The following AEBP2 variants were observed in gnomAD, a reference collection of about 807,000 sequenced individuals.
AEBP2 encodes the protein zinc finger protein AEBP2.
AEBP2 carries 10 observed loss-of-function variants against 50.8 expected under a neutral mutation model. The observed-to-expected ratio is 0.20, with a 90% CI of 0.12 to 0.33. The LOEUF (loss-of-function observed/expected upper bound fraction) is 0.33, where lower values mean the gene tolerates loss of function less well. Ranked by LOEUF, AEBP2 falls within the 10% of genes least tolerant of loss-of-function variation. The pLI is 1.00. For synonymous variants in AEBP2, 296 were observed against 261.3 expected (o/e 1.13, Z -1.28); for missense variants, 570 against 688.0 (o/e 0.83, Z 1.92).
At chr12:19,516,128 A>G (rs1949313984) in intron 7 of AEBP2, among the ~76,000 whole-genome samples, 1 of 152,178 alleles carries the variant, frequency 6.6e-6, no homozygotes. Context: ...TGAAAGTGCT[A>G]ATTAATACAA....
At chr12:19,460,494 C>T (rs1948356183) in intron 1 of AEBP2, among the ~76,000 whole-genome samples, 1 of 152,046 alleles carries the variant, frequency 6.6e-6, no homozygotes, top group Non-Finnish European at 1.5e-5. Context: ...GCTGGGATTA[C>T]AGGCGTGTGC....
intron 3 of AEBP2, among the ~76,000 whole-genome samples, chr12:19,488,658 A>T (rs1054842327): frequency 6.6e-6 from 1 of 152,090 alleles, no homozygotes; most frequent in Non-Finnish European, 1.5e-5. Context: ...GACTTCTGGG[A>T]ATATGAATAA....
chr12:19,511,500 A>G (rs1949232173), intron 5 of AEBP2, among the ~76,000 whole-genome samples: 1 of 152,196 alleles, frequency 6.6e-6, no homozygotes, highest in Admixed American at 6.5e-5. Context: ...CCCTTTCCTA[A>G]GTGCTCGGGG....
At chr12:19,495,077 T>C (rs1948953647) in intron 4 of AEBP2, among the ~76,000 whole-genome samples, 1 of 152,172 alleles carries the variant, frequency 6.6e-6, no homozygotes, top group East Asian at 1.9e-4. Flanking sequence ...GGCTAATCAT[T>C]ATATTTTTAG....
intron 5 of AEBP2, among the ~76,000 whole-genome samples, chr12:19,501,797 G>GTTTTTTGTTT (rs1555187205): frequency 1.3e-4 from 9 of 70,870 alleles, no homozygotes; most frequent in Non-Finnish European, 1.9e-4. Context: ...AAATGAGTTT[G>GTTTTTTGTTT]TTTTTTTTTT....
rs1438613496 is a variant in AEBP2, at chr12:19,433,711, GA to G, written c.-16-28796del. Among the ~76,000 whole-genome samples, 4 of 151,940 alleles carry G rather than the reference GA, an allele frequency of 2.6e-5. No homozygotes were observed. In the East Asian group the frequency reaches 7.8e-4, roughly 30 times the overall value. ...AGGAGAATCACTTGAACCGTGGGTGGAAAGGGGTGGGAGGGTGGCAGGTGGA... is the reference window on the plus strand; with the variant it reads ...AGGAGAATCACTTGAACCGTGGGTGGAAGGGGTGGGAGGGTGGCAGGTGGA... On this transcript the variant is annotated intron_variant, in intron 1 of 3. Transcript: ENST00000538425.
At chr12:19,447,388 T>G (rs539775923) in intron 1 of AEBP2, among the ~76,000 whole-genome samples, 1 of 152,312 alleles carries the variant, frequency 6.6e-6, no homozygotes, top group East Asian at 1.9e-4. Flanking sequence ...CACTGCTGGG[T>G]TGTGTGCTCC....
intron 1 of AEBP2, among the ~76,000 whole-genome samples, chr12:19,455,160 AT>A (rs34852339): frequency 0.019 from 2,696 of 145,246 alleles, 60 homozygotes; most frequent in African/African-American, 0.058. Flanking sequence ...TGCCCAGCTA[AT>A]TTTTTTTTTT....
chr12:19,419,312 G>A (rs950041564), intron 1 of AEBP2, among the ~76,000 whole-genome samples: 16 of 152,140 alleles, frequency 1.1e-4, no homozygotes, highest in Non-Finnish European at 1.5e-4. Context: ...AAAATAGGCC[G>A]GGTGCGGTGG....
chr12:19,464,712 G>A (rs1045603695), intron 2 of AEBP2, among the ~76,000 whole-genome samples: 1 of 151,272 alleles, frequency 6.6e-6, no homozygotes, highest in Non-Finnish European at 1.5e-5. Context: ...TCACCCTCCC[G>A]AGTAGCTGGG....
At chr12:19,450,682 GA>G (rs111795272) in intron 1 of AEBP2, among the ~76,000 whole-genome samples, 31 of 114,960 alleles carry the variant, frequency 2.7e-4, no homozygotes, top group African/African-American at 6.4e-4. Context: ...AAAAAAAAAA[GA>G]AAAAAAAAAG....
rs956894611 is a variant in AEBP2 at position 19,440,001 on chromosome 12, A to G, written c.302A>G (p.Glu101Gly). Residue 101 changes from glutamate (E) to glycine (G), a missense_variant, in exon 1 of 8, where the codon GAG becomes GGG. Glu to Gly is a moderately conservative substitution (Grantham distance 98, BLOSUM62 -2). Transcript: ENST00000266508. ...GCCGGGGAGGACGAAGACGAGGAGG[A>G]GGACGACGAGGAGGAGGAAGATGAG... ...SQAGEDEDEE[E>G]DDEEEEDESS... 6 of 1,523,254 alleles carry G rather than the reference A, an allele frequency of 3.9e-6. No individual in the cohort carries two copies. In the African/African-American group the frequency reaches 7.2e-5, roughly 18 times the overall value. 94.4% of individuals were successfully genotyped at this position (1,523,254 alleles called of 1,614,324 possible).
chr12:19,410,113 T>C (rs569004608), intron 1 of AEBP2, among the ~76,000 whole-genome samples: 8 of 152,266 alleles, frequency 5.3e-5, no homozygotes, highest in South Asian at 2.1e-4. Context: ...AATTAGACCC[T>C]CTCTCACTCT....
chr12:19,432,141 C>T (rs1261601428), intron 1 of AEBP2, among the ~76,000 whole-genome samples: 1 of 152,046 alleles, frequency 6.6e-6, no homozygotes, highest in South Asian at 2.1e-4. Flanking sequence ...ATTAGAGAAG[C>T]CCTACAAGAA....
intron 1 of AEBP2, among the ~76,000 whole-genome samples, chr12:19,453,656 T>G (rs1395777032): frequency 2.7e-5 from 4 of 150,450 alleles, no homozygotes; most frequent in African/African-American, 9.8e-5. Context: ...ACTCCCAACC[T>G]CAGGTGATCC....
chr12:19,498,068 T>C (rs1000883222), intron 4 of AEBP2, among the ~76,000 whole-genome samples: 16 of 152,192 alleles, frequency 1.1e-4, no homozygotes, highest in African/African-American at 3.9e-4. Flanking sequence ...AGGCTGAAGA[T>C]TGAGGACTCC....
chr12:19,435,669 T>C (rs540329459), upstream of AEBP2, among the ~76,000 whole-genome samples: 3 of 152,346 alleles, frequency 2.0e-5, no homozygotes, highest in South Asian at 6.2e-4. Flanking sequence ...ATATTGCTTC[T>C]CAGTTTGAGT....
Position 19,440,748 on chromosome 12 carries a change from T to G in AEBP2, c.671+378T>G, listed in dbSNP as rs749447710. 388 of 1,533,548 alleles carry G rather than the reference T, an allele frequency of 2.5e-4. 2 individuals are homozygous for G. Among genetic ancestry groups the G allele is most frequent in the Non-Finnish European group, 2.7e-4 (304 of 1,146,676 alleles). The allele number at this position is 1,533,548 out of a possible 1,614,324, so 95.0% of individuals were successfully genotyped here. The stretch of plus-strand genomic sequence containing the variant: ...TCAAGGTTAGCTTCTTCCAACCGTG[T>G]TCGGGAACACTTGTCAGAACTACAA... On this transcript the variant is annotated intron_variant, in intron 1 of 7. Transcript: ENST00000266508.
Position 19,518,831 on chromosome 12 carries a change from C to A in AEBP2, c.*714C>A. The A allele has an allele frequency of 1.2e-6, 1 of 810,154 alleles. No individual in the cohort carries two copies. Among genetic ancestry groups the A allele is most frequent in the Non-Finnish European group, 1.8e-6 (1 of 543,944 alleles). 50.2% of individuals were successfully genotyped at this position (810,154 alleles called of 1,614,324 possible). On this transcript the variant is annotated 3_prime_UTR_variant, in exon 8 of 8. Transcript: ENST00000266508. ...TCCCTTTTCAGGACTAGGGCTTTCT[C>A]ATGGAGTACAGTATGTTAATATTTA...
Sources: gnomAD v4.1 joint callset for allele counts (sites outside exome capture counted in the v4.1 genomes callset) on GRCh38, gnomAD v4.1.1 for gene constraint, MANE v1.5 for transcripts, NCBI Gene and HGNC (gene_info 2026-07-23, HGNC 2026-07-21) for gene names.